The following TENM2 variants were observed in gnomAD, a reference collection of about 807,000 sequenced individuals.
TENM2 encodes the protein teneurin transmembrane protein 2.
A neutral mutation model predicts 245.2 loss-of-function variants in TENM2; 52 were observed. The ratio of observed to expected loss-of-function variants is 0.21; its 90% CI spans 0.17 to 0.27. The LOEUF (loss-of-function observed/expected upper bound fraction) is 0.27, where lower values mean the gene tolerates loss of function less well. Among genes scored for constraint, TENM2 ranks in the 10% least tolerant of loss-of-function variants. The pLI is 1.00. For synonymous variants in TENM2, 1,363 were observed against 1,438.9 expected (o/e 0.95, Z 1.19); for missense variants, 3,046 against 3,666.8 (o/e 0.83, Z 4.37).
chr5:167,127,619 T>A, the TENM2 span, among the ~76,000 whole-genome samples: 1 of 149,838 alleles, frequency 6.7e-6, no homozygotes, highest in Non-Finnish European at 1.5e-5. Context: ...ACAAGCTTTT[T>A]TTTTTTTTTA....
chr5:167,991,857 A>C (rs1179360528), intron 4 of TENM2, among the ~76,000 whole-genome samples: 1 of 152,242 alleles, frequency 6.6e-6, no homozygotes, highest in Non-Finnish European at 1.5e-5. Context: ...ATCGAAAGAC[A>C]GAGCTCTGGG....
rs760505116 is a variant in TENM2, at chr5:168,247,890, C to T, written c.6951C>T (p.His2317=). 1 of 1,613,998 alleles carries T rather than the reference C, an allele frequency of 6.2e-7. No individual in the cohort carries two copies. Among genetic ancestry groups the T allele is most frequent in the Non-Finnish European group, 8.5e-7 (1 of 1,179,880 alleles). ...CTTCCTACAAGACCAACCTGGGCCA[C>T]CACCTGCAGTACTTCTACTCTGACC... Residue 2317 remains histidine, a synonymous_variant, in exon 27 of 29, where the codon CAC becomes CAT. Transcript: ENST00000518659. This position sits in a 1 kb window ranked among gnomAD's most constrained non-coding sequence, Gnocchi z 7.8.
At chr5:167,699,926 T>C (rs1209885074) in intron 2 of TENM2, among the ~76,000 whole-genome samples, 4 of 152,152 alleles carry the variant, frequency 2.6e-5, no homozygotes, top group Non-Finnish European at 4.4e-5. Flanking sequence ...AAAAATCACA[T>C]AGCTAGAAAT....
the TENM2 span, among the ~76,000 whole-genome samples, chr5:167,080,244 A>G: frequency 1.3e-5 from 2 of 152,174 alleles, no homozygotes; most frequent in Non-Finnish European, 2.9e-5. Flanking sequence ...AGATATTGGT[A>G]TTGGTCTTCT....
intron 2 of TENM2, among the ~76,000 whole-genome samples, chr5:167,424,905 A>G (rs566613018): frequency 1.3e-5 from 2 of 152,318 alleles, no homozygotes; most frequent in African/African-American, 4.8e-5. Context: ...AGGAAGTATC[A>G]TAATCTACAG....
intron 2 of TENM2, among the ~76,000 whole-genome samples, chr5:167,645,165 C>CACTA (rs796691099): frequency 1.1e-4 from 16 of 152,280 alleles, no homozygotes; most frequent in African/African-American, 3.9e-4. Flanking sequence ...CATGACTGTA[C>CACTA]ACTAACAAGT....
chr5:167,507,198 A>C (rs1769615164), intron 2 of TENM2, among the ~76,000 whole-genome samples: 1 of 152,212 alleles, frequency 6.6e-6, no homozygotes, highest in African/African-American at 2.4e-5. Context: ...AGGAATCAAA[A>C]GAAAAAATTA....
At chr5:167,258,079 C>T in the TENM2 span, among the ~76,000 whole-genome samples, 2 of 151,578 alleles carry the variant, frequency 1.3e-5, no homozygotes, top group African/African-American at 4.8e-5. Context: ...TCATAATGAT[C>T]ATTTTAAGAA....
At chr5:167,804,104 A>C (rs1488616711) in intron 2 of TENM2, among the ~76,000 whole-genome samples, 1 of 152,156 alleles carries the variant, frequency 6.6e-6, no homozygotes. Context: ...AAATTTTAAA[A>C]ATATGAAATT....
At chr5:167,457,744 A>G (rs13185245) in intron 2 of TENM2, among the ~76,000 whole-genome samples, 56,339 of 152,076 alleles carry the variant, frequency 0.37, 11,319 homozygotes, top group East Asian at 0.61. Context: ...CTTTGAAAAC[A>G]ATCTATTTTA....
the TENM2 span, among the ~76,000 whole-genome samples, chr5:167,123,650 A>G: frequency 2.6e-5 from 4 of 152,194 alleles, no homozygotes; most frequent in African/African-American, 9.6e-5. Flanking sequence ...CTCATATTCT[A>G]CTTTAAAAAT....
chr5:167,867,762 G>T (rs1053156687), intron 2 of TENM2, among the ~76,000 whole-genome samples: 2 of 152,190 alleles, frequency 1.3e-5, no homozygotes, highest in African/African-American at 2.4e-5. Context: ...AACTGAGGTG[G>T]AACATTCTCT....
intron 2 of TENM2, among the ~76,000 whole-genome samples, chr5:167,770,889 G>A (rs962527193): frequency 6.6e-6 from 1 of 152,106 alleles, no homozygotes; most frequent in African/African-American, 2.4e-5. Flanking sequence ...CACTGGGGAG[G>A]ACCATGGCTG....
chr5:167,171,062 C>G, the TENM2 span, among the ~76,000 whole-genome samples: 2 of 152,144 alleles, frequency 1.3e-5, no homozygotes, highest in Admixed American at 6.5e-5. Flanking sequence ...CATTCTCTAT[C>G]CGGGTGATTG....
rs74606964 is a variant in TENM2 at position 167,429,183 on chromosome 5, C to T, written c.502+53710C>T. ...AAATCAATGCCTCTCATTAAGACAACTTCTGGCAGGGATGAGGATCTAGCA... is the reference window on the plus strand; with the variant it reads ...AAATCAATGCCTCTCATTAAGACAATTTCTGGCAGGGATGAGGATCTAGCA... On this transcript the variant is annotated intron_variant, in intron 2 of 28. Coordinates refer to ENST00000518659, the Ensembl canonical transcript of TENM2. Among the ~76,000 whole-genome samples, 1,433 of 152,300 alleles carry T rather than the reference C, an allele frequency of 9.4e-3. 9 individuals carry two copies. The highest frequency in any genetic ancestry group is 0.014 in the Non-Finnish European group (964 of 68,020).
At chr5:168,005,829 A>T (rs1464371657) in intron 5 of TENM2, among the ~76,000 whole-genome samples, 1 of 152,216 alleles carries the variant, frequency 6.6e-6, no homozygotes, top group Non-Finnish European at 1.5e-5. Context: ...AATGACAGAG[A>T]GTATTTTTTG....
chr5:168,091,418 C>T (rs1027239093), intron 8 of TENM2, among the ~76,000 whole-genome samples: 3 of 152,096 alleles, frequency 2.0e-5, no homozygotes, highest in Non-Finnish European at 2.9e-5. Flanking sequence ...ACCAAAATGT[C>T]CTTATACATG....
chr5:167,262,908 A>T, the TENM2 span, among the ~76,000 whole-genome samples: 1 of 152,154 alleles, frequency 6.6e-6, no homozygotes, highest in African/African-American at 2.4e-5. Flanking sequence ...GTCCAAGATC[A>T]AGGGAGATTC....
intron 2 of TENM2, among the ~76,000 whole-genome samples, chr5:167,640,012 G>A (rs1306327924): frequency 6.6e-6 from 1 of 152,164 alleles, no homozygotes; most frequent in East Asian, 1.9e-4. Context: ...GCAGTTCTAG[G>A]AAATTATGTC....
Sources: allele counts gnomAD v4.1 joint callset (sites outside exome capture counted in the v4.1 genomes callset), GRCh38; gene constraint gnomAD v4.1.1; non-coding constraint Gnocchi (gnomAD v3.1); transcripts MANE v1.5; gene names NCBI Gene and HGNC (gene_info 2026-07-23, HGNC 2026-07-21).